ZFHX3: variants seen among roughly 807,000 people sequenced by gnomAD.
The protein encoded by ZFHX3 is zinc finger homeobox protein 3.
Under a neutral mutation model 279.1 loss-of-function variants are expected in ZFHX3, and 42 were observed. The ratio of observed to expected loss-of-function variants is 0.15; its 90% CI spans 0.12 to 0.19. ZFHX3 has a LOEUF of 0.19. ZFHX3 is among the 10% of genes least tolerant of loss of function. The pLI is 1.00. For missense variants in ZFHX3, 4,981 were observed against 4,754.0 expected, an observed-to-expected ratio of 1.05 and a Z score of -1.40; for synonymous variants, 2,293 against 1,957.8, an observed-to-expected ratio of 1.17 and a Z score of -4.52.
intron 1 of ZFHX3, among the ~76,000 whole-genome samples, chr16:73,029,295 T>C (rs1277087184): frequency 6.6e-6 from 1 of 152,102 alleles, no homozygotes; most frequent in Admixed American, 6.6e-5. Context: ...CTCACCTGGG[T>C]TCGCCATCAC....
At chr16:73,491,422 A>G (rs942847835) in intron 2 of ZFHX3, among the ~76,000 whole-genome samples, 1 of 152,236 alleles carries the variant, frequency 6.6e-6, no homozygotes, top group Non-Finnish European at 1.5e-5. Flanking sequence ...GAAAGCACCA[A>G]CTGTCTGCCA....
rs746198964 is a variant in ZFHX3, at chr16:72,788,392, A to C, written c.9884T>G (p.Leu3295Trp). 1 of 1,614,198 alleles carries C rather than the reference A, an allele frequency of 6.2e-7. No individual in the cohort carries two copies. The highest frequency in any genetic ancestry group is 2.2e-5 in the East Asian group (1 of 44,866). Residue 3295 changes from leucine (L) to tryptophan (W), a missense_variant, in exon 10 of 10, where the codon TTG becomes TGG. By Grantham distance (61) the Leu-to-Trp change is moderately conservative. Transcript: ENST00000268489. Reference protein sequence around the residue: ...PAQLQALQAALTSDPTALLTS... With the variant: ...PAQLQALQAAWTSDPTALLTS... ...GAGCAATGCTGTGGGGTCCGAAGTC[A>C]ACGCGGCCTGCAGGGCCTGCAGCTG...
intron 4 of ZFHX3, among the ~76,000 whole-genome samples, chr16:73,294,865 A>C (rs968841373): frequency 2.0e-5 from 3 of 151,394 alleles, no homozygotes; most frequent in African/African-American, 7.3e-5. Context: ...GCCATGGAAG[A>C]GGCAGAAATG....
chr16:73,169,637 C>T (rs11860468), intron 5 of ZFHX3, among the ~76,000 whole-genome samples: 1,659 of 146,338 alleles, frequency 0.011, 30 homozygotes, highest in African/African-American at 0.04. Context: ...CCAGCCTGGG[C>T]GACAGAGTGA....
intron 1 of ZFHX3, among the ~76,000 whole-genome samples, chr16:73,858,816 T>C (rs540678774): frequency 6.6e-6 from 1 of 152,170 alleles, no homozygotes; most frequent in Non-Finnish European, 1.5e-5. Context: ...AGCACCAAAA[T>C]AATCCACAGC....
intron 2 of ZFHX3, among the ~76,000 whole-genome samples, chr16:73,631,203 A>T (rs1324913369): frequency 6.6e-6 from 1 of 152,218 alleles, no homozygotes; most frequent in Non-Finnish European, 1.5e-5. Context: ...TTGAGTATCT[A>T]TATGTAAAGG....
chr16:73,167,239 A>C (rs924498908), intron 5 of ZFHX3, among the ~76,000 whole-genome samples: 3 of 152,214 alleles, frequency 2.0e-5, no homozygotes, highest in Non-Finnish European at 4.4e-5. Flanking sequence ...ATTCTCTTAA[A>C]ATTTTTTGCA....
rs192634754 is a variant in ZFHX3 at position 73,768,052 on chromosome 16, T to C, written c.-1607-87812A>G. Among the ~76,000 whole-genome samples the C allele has an allele frequency of 2.5e-3, 381 of 152,242 alleles. 4 individuals are homozygous for C. The highest frequency in any genetic ancestry group is 6.0e-4 in the Non-Finnish European group (41 of 68,016). ...TAGAAGAGTAGCCACATGAGAAGGG[T>C]ACCAGAAAGGATTCAGGGCCTTCGG... On this transcript the variant is annotated intron_variant, in intron 1 of 17. Transcript: ENST00000641206.
chr16:73,585,975 A>G (rs1299369767), intron 2 of ZFHX3, among the ~76,000 whole-genome samples: 2 of 152,240 alleles, frequency 1.3e-5, no homozygotes, highest in Non-Finnish European at 2.9e-5. Flanking sequence ...AGGAAATAAA[A>G]TGTATATGGA....
intron 5 of ZFHX3, chr16:73,233,191 G>A (rs143962551): frequency 6.6e-6 from 1 of 151,490 alleles, no homozygotes; most frequent in East Asian, 2.0e-4. Context: ...AAGCTCCGAC[G>A]GGAATTGCTC....
chr16:73,858,443 C>T (rs1326071568), intron 1 of ZFHX3, among the ~76,000 whole-genome samples: 1 of 152,166 alleles, frequency 6.6e-6, no homozygotes, highest in Non-Finnish European at 1.5e-5. Context: ...AGTTCTTCAG[C>T]ACTGAAACTA....
intron 1 of ZFHX3, among the ~76,000 whole-genome samples, chr16:73,835,166 A>T: frequency 6.6e-6 from 1 of 152,204 alleles, no homozygotes; most frequent in Non-Finnish European, 1.5e-5. Context: ...GCTATAAGAC[A>T]AAGTACTCCC....
intron 2 of ZFHX3, among the ~76,000 whole-genome samples, chr16:73,632,398 A>G (rs527868044): frequency 1.1e-3 from 163 of 152,262 alleles, no homozygotes; most frequent in Admixed American, 2.7e-3. Context: ...AGAAAGTCAT[A>G]TGAGCCGGGT....
chr16:73,588,588 G>T (rs1597014113), intron 2 of ZFHX3, among the ~76,000 whole-genome samples: 1 of 151,906 alleles, frequency 6.6e-6, no homozygotes, highest in Non-Finnish European at 1.5e-5. Context: ...TACTCTGGAG[G>T]CTGAGGCAGG....
At chr16:73,636,163 G>T (rs1006252235) in intron 2 of ZFHX3, among the ~76,000 whole-genome samples, 1 of 152,132 alleles carries the variant, frequency 6.6e-6, no homozygotes, top group Non-Finnish European at 1.5e-5. Flanking sequence ...GTCCTGAGCA[G>T]ATCACTTTCC....
chr16:73,256,298 T>A (rs1009013872), intron 5 of ZFHX3, among the ~76,000 whole-genome samples: 3 of 152,230 alleles, frequency 2.0e-5, no homozygotes, highest in Non-Finnish European at 2.9e-5. Flanking sequence ...AGCCATCAGA[T>A]GCTGACCTTG....
chr16:73,873,264 G>GCGGTGGA, intron 1 of ZFHX3, among the ~76,000 whole-genome samples: 2 of 117,168 alleles, frequency 1.7e-5, no homozygotes, highest in Non-Finnish European at 3.6e-5. Context: ...GCGGTGGATG[G>GCGGTGGA]TGGTGGTGGT....
intron 3 of ZFHX3, among the ~76,000 whole-genome samples, chr16:72,908,343 G>T (rs1213105629): frequency 2.6e-5 from 4 of 152,196 alleles, no homozygotes; most frequent in African/African-American, 9.6e-5. Context: ...CTCACCAGGG[G>T]CCATGAGGCT....
chr16:73,002,579 C>G (rs930460886), intron 1 of ZFHX3, among the ~76,000 whole-genome samples: 5 of 152,152 alleles, frequency 3.3e-5, no homozygotes, highest in Admixed American at 3.3e-4. Context: ...CAAAGGTGTT[C>G]TCAAGTACCC....
Sources: allele counts gnomAD v4.1 joint callset (sites outside exome capture counted in the v4.1 genomes callset), GRCh38; gene constraint gnomAD v4.1.1; transcripts MANE v1.5; gene names NCBI Gene and HGNC (gene_info 2026-07-23, HGNC 2026-07-21).